The following TMEM126B variants were observed in gnomAD, a reference collection of about 807,000 sequenced individuals.
TMEM126B encodes complex I assembly factor TMEM126B, mitochondrial.
TMEM126B carries 19 observed loss-of-function variants against 16.5 expected under a neutral mutation model. The observed-to-expected ratio is 1.15, with a 90% CI of 0.80 to 1.69. TMEM126B has a LOEUF of 1.69. Ranked by LOEUF, TMEM126B falls within the 40% of genes most tolerant of loss-of-function variation. The pLI is 0.00. For synonymous variants in TMEM126B, 104 were observed against 93.2 expected (o/e 1.12, Z -0.67); for missense variants, 293 against 278.7 (o/e 1.05, Z -0.37).
rs2082387556 is a variant in TMEM126B, at chr11:85,635,771, G to A, written c.502G>A (p.Ala168Thr). 2 of 1,577,202 alleles carry A rather than the reference G, an allele frequency of 1.3e-6. No individual in the cohort carries two copies. The highest frequency in any genetic ancestry group is 4.6e-5 in the East Asian group (2 of 43,120). Residue 168 changes from alanine to threonine, a missense_variant, in exon 4 of 5, where the codon GCA becomes ACA. Transcript: ENST00000358867. ...GGCTTTTACTAAAAATGGACGCCTG[G>A]CAACCAAGTAAGTTCTTCCTTTTCC... Reference protein sequence around the residue: ...SLAFTKNGRLATKYHTVPLPP... With the variant: ...SLAFTKNGRLTTKYHTVPLPP...
At chr11:85,631,851 A>C (rs1256070726) in intron 2 of TMEM126B, 43 bp downstream of exon 2, 1 of 1,559,696 alleles carries the variant, frequency 6.4e-7, no homozygotes, top group Non-Finnish European at 8.6e-7. Context: ...TTTTATTTGC[A>C]AGTCTTTTGT....
intron 2 of TMEM126B, among the ~76,000 whole-genome samples, chr11:85,632,026 C>G (rs868768625): frequency 6.6e-6 from 1 of 152,062 alleles, no homozygotes; most frequent in Non-Finnish European, 1.5e-5. Context: ...TGGATAATTT[C>G]TTTTGTTTCT....
chr11:85,631,584 A>G (rs762632492), intron 1 of TMEM126B, 103 bp from the exon 2 acceptor site: 3 of 1,333,028 alleles, frequency 2.3e-6, no homozygotes, highest in Non-Finnish European at 3.1e-6. Context: ...CTGGCACACT[A>G]CTAAACTGTA....
At chr11:85,635,060 T>C (rs1044382144) in intron 3 of TMEM126B, 1 of 152,252 alleles carries the variant, frequency 6.6e-6, no homozygotes, top group African/African-American at 2.4e-5. Context: ...GTTCCTGATA[T>C]ATAGTAGATA....
intron 1 of TMEM126B, among the ~76,000 whole-genome samples, chr11:85,629,413 G>T (rs1266072868): frequency 6.6e-6 from 1 of 152,176 alleles, no homozygotes; most frequent in Non-Finnish European, 1.5e-5. Context: ...TGGCCTTAAG[G>T]GGGAAGGGGT....
chr11:85,633,374 T>C (rs1052641506), intron 2 of TMEM126B, among the ~76,000 whole-genome samples: 36 of 152,338 alleles, frequency 2.4e-4, no homozygotes, highest in African/African-American at 6.5e-4. Context: ...TGAGGAATCG[T>C]GACACTGACT....
At chr11:85,628,796 C>A in intron 1 of TMEM126B, 108 bp downstream of exon 1, 2 of 1,128,946 alleles carry the variant, frequency 1.8e-6, no homozygotes, top group Non-Finnish European at 2.6e-6. Flanking sequence ...GTTAAAACAG[C>A]TCCCAAGTCC....
Position 85,628,691 on chromosome 11 carries a change from A to G in TMEM126B, c.81+3A>G, listed in dbSNP as rs1324101185. The G allele has an allele frequency of 7.2e-6, 11 of 1,536,164 alleles. No homozygotes were observed. In the Admixed American group the frequency reaches 1.4e-4, roughly 19 times the overall value. ...TGGGAACTGAGGAAGCGCCCAAGGT[A>G]GGCGGAAATCCGAAGTGGTATGGGG... On this transcript the variant is annotated splice_donor_region_variant and intron_variant, in intron 1 of 4. Coordinates refer to ENST00000358867, the MANE Select transcript of TMEM126B (RefSeq NM_018480.7).
intron 1 of TMEM126B, among the ~76,000 whole-genome samples, chr11:85,629,995 G>C (rs2082247923): frequency 6.6e-6 from 1 of 152,168 alleles, no homozygotes; most frequent in African/African-American, 2.4e-5. Context: ...GTTCAAAGGA[G>C]CTCATACCTT....
intron 1 of TMEM126B, chr11:85,631,423 G>A (rs898773688): frequency 4.2e-6 from 4 of 948,594 alleles, no homozygotes; most frequent in Middle Eastern, 3.9e-4. Context: ...TCAAGTTAGT[G>A]TGTAAATCAG....
At chr11:85,632,697 T>C (rs1565791854) in intron 2 of TMEM126B, among the ~76,000 whole-genome samples, 2 of 152,186 alleles carry the variant, frequency 1.3e-5, no homozygotes, top group African/African-American at 4.8e-5. Context: ...TGTACAGTTA[T>C]ATGAGTTTTA....
chr11:85,631,082 T>C, intron 1 of TMEM126B: 1 of 1,219,438 alleles, frequency 8.2e-7, no homozygotes, highest in Non-Finnish European at 1.1e-6. Context: ...GCAGTGTCCC[T>C]CTTTCTGATT....
chr11:85,632,302 G>C (rs1229513797), intron 2 of TMEM126B, among the ~76,000 whole-genome samples: 1 of 152,056 alleles, frequency 6.6e-6, no homozygotes, highest in Non-Finnish European at 1.5e-5. Flanking sequence ...GGAGTGCAGT[G>C]GCACAATCTC....
chr11:85,631,746 A>T lies in TMEM126B; in HGVS notation c.141A>T (p.Lys47Asn). 6.2e-7 allele frequency: 1 copy of T among 1,613,548 alleles called. No homozygotes were observed. Among genetic ancestry groups the T allele is most frequent in the Non-Finnish European group, 8.5e-7 (1 of 1,179,812 alleles). Reference sequence around the variant, plus strand: ...CCAGTCCTTCTCTAGAAGATGCAAAACTCAGAAGACCAATGGTCATAGAAA... The same window carrying T: ...CCAGTCCTTCTCTAGAAGATGCAAATCTCAGAAGACCAATGGTCATAGAAA... ...GQPSPSLEDAKLRRPMVIEII... is the reference protein window; with the variant it reads ...GQPSPSLEDANLRRPMVIEII... The change falls in exon 2 of 5, where the codon AAA becomes AAT. Residue 47 changes from lysine to asparagine, a missense_variant. By Grantham distance (94) the Lys-to-Asn change is moderately conservative (BLOSUM62 0). Transcript: ENST00000358867.
chr11:85,629,390 G>C (rs978887530), intron 1 of TMEM126B: 1 of 527,220 alleles, frequency 1.9e-6, no homozygotes, highest in Non-Finnish European at 3.2e-6. Flanking sequence ...TATAAGCGTG[G>C]TGACTAGTTG....
Position 85,634,176 on chromosome 11 carries a change from G to A in TMEM126B, c.294G>A (p.Lys98=). The A allele has an allele frequency of 6.2e-7, 1 of 1,613,762 alleles. No homozygotes were observed. Among genetic ancestry groups the A allele is most frequent in the Non-Finnish European group, 8.5e-7 (1 of 1,179,828 alleles). ...ACTTCCTGTTCAGACGCTGCTTCAA[G>A]GTTAAACATGATGCTTTGAAGACAT... ...FSNFLFRRCF[K]VKHDALKTYA... The change falls in exon 3 of 5, where the codon AAG becomes AAA. Residue 98 remains lysine, a synonymous_variant. Transcript: ENST00000358867.
rs372220133 is a variant in TMEM126B, at chr11:85,635,772, C to A, written c.503C>A (p.Ala168Glu). 1.9e-6 allele frequency: 3 copies of A among 1,576,172 alleles called. No individual in the cohort carries two copies. The highest frequency in any genetic ancestry group is 2.6e-6 in the Non-Finnish European group (3 of 1,165,402). ...GCTTTTACTAAAAATGGACGCCTGG[C>A]AACCAAGTAAGTTCTTCCTTTTCCT... Reference protein sequence around the residue: ...SLAFTKNGRLATKYHTVPLPP... With the variant: ...SLAFTKNGRLETKYHTVPLPP... The change falls in exon 4 of 5, where the codon GCA becomes GAA. Residue 168 changes from alanine (A) to glutamate (E), a missense_variant. By Grantham distance (107) the Ala-to-Glu change is moderately radical. Coordinates refer to ENST00000358867, the MANE Select transcript of TMEM126B (RefSeq NM_018480.7).
chr11:85,631,247 T>A, intron 1 of TMEM126B: 1 of 1,287,552 alleles, frequency 7.8e-7, no homozygotes, highest in South Asian at 1.2e-5. Flanking sequence ...CCTGAAGAGC[T>A]AGGAGGACAA....
intron 1 of TMEM126B, among the ~76,000 whole-genome samples, chr11:85,629,987 T>C (rs1319266061): frequency 6.6e-6 from 1 of 152,184 alleles, no homozygotes; most frequent in Non-Finnish European, 1.5e-5. Flanking sequence ...ATAAGAAGGT[T>C]CAAAGGAGCT....
Sources: gnomAD v4.1 joint callset for allele counts (sites outside exome capture counted in the v4.1 genomes callset) on GRCh38, gnomAD v4.1.1 for gene constraint, MANE v1.5 for transcripts, NCBI Gene and HGNC (gene_info 2026-07-23, HGNC 2026-07-21) for gene names.